Variants in PLEKHD1 observed in about 807,000 individuals in gnomAD.
PLEKHD1 encodes the protein pleckstrin homology and coiled-coil domain containing D1.
Under a neutral mutation model 69.2 loss-of-function variants are expected in PLEKHD1, and 51 were observed. The observed-to-expected ratio is 0.74, with a 90% confidence interval of 0.59 to 0.93. The LOEUF (loss-of-function observed/expected upper bound fraction) is 0.93, where lower values mean the gene tolerates loss of function less well. Ranked by LOEUF, PLEKHD1 falls within the 40% of genes least tolerant of loss-of-function variation. The pLI, the probability that PLEKHD1 is intolerant of heterozygous loss-of-function variation, is 0.00. For missense variants in PLEKHD1, 584 were observed against 641.0 expected, an observed-to-expected ratio of 0.91 and a Z score of 0.96; for synonymous variants, 236 against 244.7, an observed-to-expected ratio of 0.96 and a Z score of 0.33.
chr14:69,525,778 G>C (rs1883630918), intron 8 of PLEKHD1, among the ~76,000 whole-genome samples, 166 bp from the exon 9 acceptor site: 1 of 152,152 alleles, frequency 6.6e-6, no homozygotes, highest in African/African-American at 2.4e-5. Flanking sequence ...CCCTGTTGTG[G>C]GAGAGATCTG....
intron 1 of PLEKHD1, among the ~76,000 whole-genome samples, chr14:69,498,806 C>A (rs1251586170): frequency 6.6e-6 from 1 of 152,048 alleles, no homozygotes; most frequent in Non-Finnish European, 1.5e-5. Context: ...CGCCACCACA[C>A]CCAGCTAATT....
chr14:69,528,401 C>G lies in PLEKHD1; in HGVS notation c.1503C>G (p.Leu501=), dbSNP rs1358891392. Reference sequence around the variant, plus strand: ...CCCAGCCTGGAGCCCCCTCGGCACTCTCCCGGGGTGGAAAGTGATGGGCGC... The same window carrying G: ...CCCAGCCTGGAGCCCCCTCGGCACTGTCCCGGGGTGGAAAGTGATGGGCGC... ...MATQPGAPSA[L]SRGGK The change falls in exon 13 of 13, where the codon CTC becomes CTG. Residue 501 remains leucine, a synonymous_variant. Transcript: ENST00000322564. The G allele has an allele frequency of 6.4e-7, 1 of 1,550,952 alleles. No individual in the cohort carries two copies. The highest frequency in any genetic ancestry group is 1.4e-5 in the African/African-American group (1 of 73,028).
intron 9 of PLEKHD1, among the ~76,000 whole-genome samples, chr14:69,526,328 A>T (rs1344444429): frequency 6.6e-6 from 1 of 152,186 alleles, no homozygotes; most frequent in Admixed American, 6.5e-5. Context: ...TATCTTGTGC[A>T]ATGGTGTGAA....
At chr14:69,474,197 G>A in the PLEKHD1 span, among the ~76,000 whole-genome samples, 1 of 152,174 alleles carries the variant, frequency 6.6e-6, no homozygotes, top group African/African-American at 2.4e-5. Context: ...GAAGGCAAAA[G>A]CAGCCTAAAA....
chr14:69,524,306 T>A lies in PLEKHD1; in HGVS notation c.728T>A (p.Leu243Ter). Residue 243 changes from leucine to a stop codon, truncating the protein, a stop_gained, in exon 8 of 13, where the codon TTG becomes TAG. Coordinates refer to ENST00000322564, the MANE Select transcript of PLEKHD1 (RefSeq NM_001161498.2). LOFTEE classifies it high-confidence loss of function. ...KKELRHLTESLQQTLEELSIE... is the reference protein window; with the variant it reads ...KKELRHLTES ...GAACTGAGGCACCTCACGGAGTCCTTGCAGCAGACACTGGAGGTGAGGGGC... is the reference window on the plus strand; with the variant it reads ...GAACTGAGGCACCTCACGGAGTCCTAGCAGCAGACACTGGAGGTGAGGGGC... The A allele has an allele frequency of 6.4e-7, 1 of 1,551,534 alleles. No individual in the cohort carries two copies. Among genetic ancestry groups the A allele is most frequent in the Non-Finnish European group, 8.7e-7 (1 of 1,146,920 alleles).
chr14:69,495,345 G>A (rs768590944), intron 1 of PLEKHD1, among the ~76,000 whole-genome samples: 14 of 152,156 alleles, frequency 9.2e-5, no homozygotes, highest in Admixed American at 3.3e-4. Context: ...CAACACAGCA[G>A]GGTCGAGACT....
intron 6 of PLEKHD1, among the ~76,000 whole-genome samples, chr14:69,511,565 T>C (rs532558174): frequency 1.3e-5 from 2 of 152,314 alleles, no homozygotes; most frequent in East Asian, 3.9e-4. Flanking sequence ...TTTTTCTTTT[T>C]TTGAGACAGA....
At chr14:69,506,018 AG>A (rs1883144234) in intron 6 of PLEKHD1, among the ~76,000 whole-genome samples, 1 of 152,214 alleles carries the variant, frequency 6.6e-6, no homozygotes, top group Non-Finnish European at 1.5e-5. Context: ...AGGGTAGGGC[AG>A]GGTTTCTGGC....
At chr14:69,470,818 G>A in the PLEKHD1 span, among the ~76,000 whole-genome samples, 4 of 151,646 alleles carry the variant, frequency 2.6e-5, no homozygotes, top group Non-Finnish European at 5.9e-5. Flanking sequence ...CCAGGCTGGA[G>A]TGCAGTGGCA....
Position 69,501,132 on chromosome 14 carries a change from A to C in PLEKHD1, c.410+185A>C, listed in dbSNP as rs920706023. The C allele has an allele frequency of 2.4e-5, 15 of 625,956 alleles. No homozygotes were observed. The Admixed American group carries it at 3.0e-4, about 12-fold the overall frequency. The allele number at this position is 625,956 out of a possible 1,614,324, so 38.8% of individuals were successfully genotyped here. ...GCATCTGTGAGGGGTCCCCTGAGTG[A>C]GCTTGAAAAGTGTCTAGGTCACAGG... On this transcript the variant is annotated intron_variant, in intron 4 of 12. Coordinates refer to ENST00000322564, the MANE Select transcript of PLEKHD1 (RefSeq NM_001161498.2).
chr14:69,502,789 T>TTG lies in PLEKHD1; in HGVS notation c.503-31_503-30dup, dbSNP rs1271845750. On this transcript the variant is annotated intron_variant, in intron 5 of 12. Transcript: ENST00000322564. Reference sequence around the variant, plus strand: ...TCAGGACCTCAGAGCACTTTCCTGATTGTGTGTGCATGTGTGTGTGTGTGC... The same window carrying TTG: ...TCAGGACCTCAGAGCACTTTCCTGATTGTGTGTGTGCATGTGTGTGTGTGTGC... 1.1e-5 allele frequency: 17 copies of TTG among 1,550,662 alleles called. No individual in the cohort carries two copies. In the East Asian group the frequency reaches 4.2e-4, roughly 38 times the overall value.
chr14:69,474,685 A>C, the PLEKHD1 span, among the ~76,000 whole-genome samples: 7 of 152,116 alleles, frequency 4.6e-5, no homozygotes, highest in Non-Finnish European at 8.8e-5. Flanking sequence ...CCTGCAATAA[A>C]TGCCTCACTT....
intron 1 of PLEKHD1, 58 bp downstream of exon 1, chr14:69,485,172 C>A: frequency 6.7e-7 from 1 of 1,495,312 alleles, no homozygotes; most frequent in Non-Finnish European, 9.0e-7. Context: ...GGCGTCGTTA[C>A]CCCTCCCACC....
At chr14:69,469,853 C>A in the PLEKHD1 span, among the ~76,000 whole-genome samples, 1 of 152,162 alleles carries the variant, frequency 6.6e-6, no homozygotes, top group East Asian at 2.0e-4. Flanking sequence ...CCACTAGTAG[C>A]TGGGATTACA....
intron 6 of PLEKHD1, among the ~76,000 whole-genome samples, chr14:69,521,463 G>A (rs968896591): frequency 2.0e-5 from 3 of 152,246 alleles, no homozygotes; most frequent in Non-Finnish European, 2.9e-5. Flanking sequence ...GTGAAAATGA[G>A]AGTGGAATTT....
In PLEKHD1 at chr14:69,531,363, C is replaced by T. The variant is rs990561126; in HGVS notation, c.*2944C>T. 3 of 152,170 alleles carry T rather than the reference C, an allele frequency of 2.0e-5. No individual in the cohort carries two copies. The highest frequency in any genetic ancestry group is 7.2e-5 in the African/African-American group (3 of 41,416). 9.4% of individuals were successfully genotyped at this position (152,170 alleles called of 1,614,324 possible). On this transcript the variant is annotated 3_prime_UTR_variant, in exon 13 of 13. Coordinates refer to ENST00000322564, the MANE Select transcript of PLEKHD1 (RefSeq NM_001161498.2). Reference sequence around the variant, plus strand: ...AATTATCTTCAGCCAACTGAACAATCCATAAGTGTTTATTCGTTAAAAGCT... The same window carrying T: ...AATTATCTTCAGCCAACTGAACAATTCATAAGTGTTTATTCGTTAAAAGCT...
intron 1 of PLEKHD1, among the ~76,000 whole-genome samples, chr14:69,493,939 G>C (rs1241824266): frequency 6.6e-6 from 1 of 152,198 alleles, no homozygotes; most frequent in Non-Finnish European, 1.5e-5. Context: ...TCACACGGGG[G>C]GCAGGGGGAA....
chr14:69,518,779 C>T (rs1309592795), intron 6 of PLEKHD1, among the ~76,000 whole-genome samples: 1 of 152,068 alleles, frequency 6.6e-6, no homozygotes. Flanking sequence ...GGGGGATAAG[C>T]CGGACCCATT....
intron 1 of PLEKHD1, among the ~76,000 whole-genome samples, chr14:69,497,059 A>G (rs1882905708): frequency 6.6e-6 from 1 of 152,198 alleles, no homozygotes; most frequent in Non-Finnish European, 1.5e-5. Context: ...CCCTGGAGAC[A>G]GTCGTGTGCT....
Sources: allele counts gnomAD v4.1 joint callset (sites outside exome capture counted in the v4.1 genomes callset), GRCh38; gene constraint gnomAD v4.1.1; transcripts MANE v1.5; gene names NCBI Gene and HGNC (gene_info 2026-07-23, HGNC 2026-07-21).